PTPRD: variants seen among roughly 807,000 people sequenced by gnomAD.
PTPRD encodes the protein receptor-type tyrosine-protein phosphatase delta.
In PTPRD, 34 loss-of-function variants were observed where a neutral mutation model predicts 214.5. The observed-to-expected ratio is 0.16, with a 90% confidence interval of 0.12 to 0.21. The LOEUF (loss-of-function observed/expected upper bound fraction) is 0.21. Among genes scored for constraint, PTPRD ranks in the 10% least tolerant of loss-of-function variants. PTPRD has a pLI of 1.00. For missense variants in PTPRD, 2,545 were observed against 2,398.7 expected, an observed-to-expected ratio of 1.06 and a Z score of -1.27; for synonymous variants, 1,128 against 845.7, an observed-to-expected ratio of 1.33 and a Z score of -5.79.
chr9:10,104,995 T>C (rs1275283134), intron 3 of PTPRD, among the ~76,000 whole-genome samples: 4 of 151,826 alleles, frequency 2.6e-5, no homozygotes, highest in Non-Finnish European at 5.9e-5. Flanking sequence ...TCCCTTTGTA[T>C]ATCTGGGAAA....
chr9:10,470,795 C>G (rs529746308), intron 2 of PTPRD, among the ~76,000 whole-genome samples: 1 of 152,072 alleles, frequency 6.6e-6, no homozygotes, highest in East Asian at 1.9e-4. Flanking sequence ...AGTATCAGTT[C>G]TCAAAAGGAA....
At chr9:8,933,025 A>G (rs141181868) in intron 11 of PTPRD, among the ~76,000 whole-genome samples, 3,777 of 152,118 alleles carry the variant, frequency 0.025, 107 homozygotes, top group Admixed American at 0.076. Flanking sequence ...CTCCTGGTCT[A>G]CAGGTTGCGA....
chr9:8,357,151 C>T (rs2077171107), intron 39 of PTPRD, among the ~76,000 whole-genome samples: 2 of 152,196 alleles, frequency 1.3e-5, no homozygotes, highest in South Asian at 4.1e-4. Context: ...GCTGTGGGAT[C>T]ACACTGCAAT....
intron 35 of PTPRD, among the ~76,000 whole-genome samples, chr9:8,412,456 A>G (rs1359767447): frequency 6.6e-6 from 1 of 152,190 alleles, no homozygotes; most frequent in African/African-American, 2.4e-5. Flanking sequence ...TTTTCCATGG[A>G]TAACAAGGTC....
chr9:10,387,533 G>A (rs534422451), intron 2 of PTPRD, among the ~76,000 whole-genome samples: 9 of 151,702 alleles, frequency 5.9e-5, no homozygotes, highest in Non-Finnish European at 1.2e-4. Flanking sequence ...ACCTGGCCTC[G>A]CCTTTCCTCC....
chr9:8,949,743 T>C (rs1193641631), intron 11 of PTPRD, among the ~76,000 whole-genome samples: 4 of 152,186 alleles, frequency 2.6e-5, no homozygotes, highest in Non-Finnish European at 5.9e-5. Flanking sequence ...TATCTAAGTA[T>C]TTAGCACAAC....
chr9:9,289,355 A>G (rs574743456), intron 9 of PTPRD, among the ~76,000 whole-genome samples: 2 of 152,036 alleles, frequency 1.3e-5, no homozygotes, highest in South Asian at 2.1e-4. Flanking sequence ...ACATTGAGAT[A>G]TGATTGACAA....
intron 11 of PTPRD, among the ~76,000 whole-genome samples, chr9:8,766,575 G>A (rs1285758248): frequency 6.6e-6 from 1 of 152,156 alleles, no homozygotes; most frequent in East Asian, 1.9e-4. Flanking sequence ...AAACACTGCA[G>A]CACAAAAGCA....
intron 5 of PTPRD, among the ~76,000 whole-genome samples, chr9:9,904,283 G>A (rs915622791): frequency 6.6e-6 from 1 of 151,974 alleles, no homozygotes; most frequent in Admixed American, 6.6e-5. Flanking sequence ...CGCTAAGATA[G>A]GTCACTTCTG....
intron 14 of PTPRD, among the ~76,000 whole-genome samples, chr9:8,579,496 T>C (rs1345785981): frequency 1.3e-5 from 2 of 152,218 alleles, no homozygotes; most frequent in Admixed American, 6.5e-5. Context: ...CTGACATTTA[T>C]TGATCACCTG....
At chr9:9,347,230 ACT>A (rs35914273) in intron 9 of PTPRD, among the ~76,000 whole-genome samples, 2,062 of 151,240 alleles carry the variant, frequency 0.014, 49 homozygotes, top group African/African-American at 0.047. Context: ...TTACACATGA[ACT>A]CTGTTGCATA....
At chr9:8,919,703 A>C (rs1417320148) in intron 11 of PTPRD, among the ~76,000 whole-genome samples, 1 of 151,898 alleles carries the variant, frequency 6.6e-6, no homozygotes, top group African/African-American at 2.4e-5. Context: ...GCATGTATAC[A>C]CGTATCCAAC....
Position 9,820,273 on chromosome 9 carries a change from G to A in PTPRD, c.-367-53422C>T, listed in dbSNP as rs190236499. Among the ~76,000 whole-genome samples the A allele has an allele frequency of 2.2e-3, 341 of 152,010 alleles. 2 individuals are homozygous for A. Among genetic ancestry groups the A allele is most frequent in the South Asian group, 2.9e-3 (14 of 4,816 alleles). ...CATTTTTTTCAGATGTTTGTTTACC[G>A]CTCATATGTCTTCTTTTAAAAAGTG... On this transcript the variant is annotated intron_variant, in intron 5 of 45. Coordinates refer to ENST00000381196, the MANE Select transcript of PTPRD (RefSeq NM_002839.4).
At chr9:8,596,789 A>C (rs922118618) in intron 14 of PTPRD, among the ~76,000 whole-genome samples, 2 of 152,148 alleles carry the variant, frequency 1.3e-5, no homozygotes, top group South Asian at 2.1e-4. Flanking sequence ...ACAAAGCAAC[A>C]ATATTGTTGA....
chr9:9,349,294 T>C (rs10123408), intron 9 of PTPRD, among the ~76,000 whole-genome samples: 2,079 of 152,230 alleles, frequency 0.014, 52 homozygotes, highest in African/African-American at 0.047. Context: ...GGCTAGCTTA[T>C]CTACCAGTCT....
chr9:10,461,414 C>A (rs1170424230), intron 2 of PTPRD, among the ~76,000 whole-genome samples: 3 of 151,548 alleles, frequency 2.0e-5, no homozygotes, highest in Non-Finnish European at 4.4e-5. Context: ...GCTTTATTCA[C>A]AATAGTCGAG....
At chr9:10,163,856 T>C (rs1279964262) in intron 3 of PTPRD, among the ~76,000 whole-genome samples, 1 of 151,590 alleles carries the variant, frequency 6.6e-6, no homozygotes, top group Non-Finnish European at 1.5e-5. Context: ...ATTAACATTC[T>C]TTTTGAAGGG....
chr9:10,342,681 T>C (rs997800315), intron 2 of PTPRD, among the ~76,000 whole-genome samples: 8 of 152,152 alleles, frequency 5.3e-5, no homozygotes, highest in African/African-American at 1.7e-4. Flanking sequence ...TGTGGTGTTT[T>C]ATATGTAATA....
intron 27 of PTPRD, among the ~76,000 whole-genome samples, chr9:8,487,733 C>T (rs1232673451): frequency 6.6e-6 from 1 of 152,132 alleles, no homozygotes; most frequent in Non-Finnish European, 1.5e-5. Flanking sequence ...TCACTTGAAC[C>T]CGGGAGGCAG....
Sources: allele counts gnomAD v4.1 joint callset (sites outside exome capture counted in the v4.1 genomes callset), GRCh38; gene constraint gnomAD v4.1.1; transcripts MANE v1.5; gene names NCBI Gene and HGNC (gene_info 2026-07-23, HGNC 2026-07-21).